Variants in HERC5 observed in about 807,000 individuals in gnomAD.
HERC5 encodes HECT and RLD domain containing E3 ubiquitin protein ligase 5, also known as E3 ISG15--protein ligase HERC5.
A neutral mutation model predicts 119.6 loss-of-function variants in HERC5; 99 were observed. The ratio of observed to expected loss-of-function variants is 0.83; its 90% CI spans 0.70 to 0.98. The LOEUF (loss-of-function observed/expected upper bound fraction) is 0.98. HERC5 is among the 50% of genes least tolerant of loss of function. HERC5 has a pLI of 0.00. For synonymous variants in HERC5, 478 were observed against 445.9 expected (o/e 1.07, Z -0.91); for missense variants, 1,267 against 1,241.3 (o/e 1.02, Z -0.31).
intron 11 of HERC5, among the ~76,000 whole-genome samples, chr4:88,472,711 A>C (rs2149093436): frequency 6.6e-6 from 1 of 152,298 alleles, no homozygotes; most frequent in East Asian, 1.9e-4. Context: ...AGATATTCTA[A>C]ATAGTGTGTC....
At chr4:88,493,862 C>T (rs1254303344) in intron 17 of HERC5, among the ~76,000 whole-genome samples, 4 of 151,718 alleles carry the variant, frequency 2.6e-5, no homozygotes, top group African/African-American at 4.8e-5. Flanking sequence ...TATCTGTCCA[C>T]CTTGACCTCC....
intron 16 of HERC5, among the ~76,000 whole-genome samples, chr4:88,490,111 C>T (rs1288093495): frequency 4.6e-5 from 7 of 152,144 alleles, no homozygotes; most frequent in Admixed American, 6.5e-5. Flanking sequence ...TGACCATGTT[C>T]GGAAGATCTT....
At chr4:88,464,487 C>T (rs1740575923) in intron 6 of HERC5, among the ~76,000 whole-genome samples, 1 of 151,990 alleles carries the variant, frequency 6.6e-6, no homozygotes, top group South Asian at 2.1e-4. Context: ...TTAATTTTCA[C>T]AGCTCCTTTT....
At chr4:88,457,796 C>G (rs151062847) in intron 1 of HERC5, 2 of 706,174 alleles carry the variant, frequency 2.8e-6, no homozygotes, top group Non-Finnish European at 3.9e-6. Context: ...ATGCGGGCAC[C>G]GTCTTCATCC....
chr4:88,502,138 T>A (rs912422363), intron 20 of HERC5, among the ~76,000 whole-genome samples: 7 of 152,082 alleles, frequency 4.6e-5, no homozygotes, highest in Non-Finnish European at 7.4e-5. Flanking sequence ...ATTTCAAGTT[T>A]TGGACTATTA....
Position 88,475,937 on chromosome 4 carries a change from C to G in HERC5, c.1489C>G (p.Pro497Ala). Residue 497 changes from proline (P) to alanine (A), a missense_variant, in exon 12 of 23, where the codon CCT becomes GCT. Pro to Ala is a conservative substitution (Grantham distance 27, BLOSUM62 -1). Around this residue, in one of 3 missense-constraint regions of HERC5, gnomAD observed 777 missense variants for 758.0 expected, o/e 1.03. Coordinates refer to ENST00000264350, the MANE Select transcript of HERC5 (RefSeq NM_016323.4). ...AATTTTCTTCCTTCTCCCAGAATGTCCTATGATGCATATTTCCAACAACTG... is the reference window on the plus strand; with the variant it reads ...AATTTTCTTCCTTCTCCCAGAATGTGCTATGATGCATATTTCCAACAACTG... The part of the protein sequence containing the change: ...LEIFFLLPEC[P>A]MMHISNNWES... 1 of 1,613,796 alleles carries G rather than the reference C, an allele frequency of 6.2e-7. No individual in the cohort carries two copies.
At chr4:88,460,415 CAG>C (rs1029762395) in intron 3 of HERC5, among the ~76,000 whole-genome samples, 18 of 152,336 alleles carry the variant, frequency 1.2e-4, no homozygotes, top group Non-Finnish European at 1.3e-4. Flanking sequence ...AAGTACGAAA[CAG>C]TGAAAATTTT....
intron 13 of HERC5, among the ~76,000 whole-genome samples, chr4:88,480,136 C>T (rs1578054911): frequency 1.3e-5 from 2 of 151,868 alleles, no homozygotes; most frequent in South Asian, 2.1e-4. Flanking sequence ...TGGGTTGCAA[C>T]CCCTCCATCT....
chr4:88,491,001 C>G (rs538885372), intron 16 of HERC5, among the ~76,000 whole-genome samples: 10 of 152,190 alleles, frequency 6.6e-5, no homozygotes, highest in African/African-American at 1.9e-4. Flanking sequence ...ATTGTTCATT[C>G]AGTTTTTAAA....
intron 8 of HERC5, 136 bp downstream of exon 8, chr4:88,468,558 T>A (rs1174430919): frequency 1.7e-6 from 1 of 578,406 alleles, no homozygotes; most frequent in Non-Finnish European, 3.0e-6. Flanking sequence ...ACATTACTGA[T>A]CCTTTATTGT....
chr4:88,467,287 A>G (rs955586705), intron 7 of HERC5, 83 bp downstream of exon 7: 19 of 1,376,898 alleles, frequency 1.4e-5, no homozygotes, highest in Non-Finnish European at 1.7e-5. Context: ...TGGCAAAGAA[A>G]GCAACATATG....
intron 20 of HERC5, 32 bp downstream of exon 20, chr4:88,501,017 A>G (rs1344697126): frequency 1.4e-6 from 2 of 1,440,994 alleles, no homozygotes; most frequent in Admixed American, 1.9e-5. Context: ...GTTGGTTTGT[A>G]TATGTACTAT....
Position 88,506,118 on chromosome 4 carries a change from C to A in HERC5, c.*240C>A, listed in dbSNP as rs897574937. ...CCTATGCCTACATCATATTCCTTAC[C>A]TCTTTTGGGAAATATTTTTCAAAAA... On this transcript the variant is annotated 3_prime_UTR_variant, in exon 23 of 23. Transcript: ENST00000264350. 6 of 426,174 alleles carry A rather than the reference C, an allele frequency of 1.4e-5. No homozygotes were observed. In the East Asian group the frequency reaches 2.2e-4, roughly 16 times the overall value. 26.4% of individuals were successfully genotyped at this position (426,174 alleles called of 1,614,324 possible).
chr4:88,489,925 C>T (rs188405297), intron 16 of HERC5, among the ~76,000 whole-genome samples: 54 of 152,198 alleles, frequency 3.5e-4, no homozygotes, highest in African/African-American at 1.1e-3. Flanking sequence ...ATGAGAATCA[C>T]TTGAACCCAG....
Position 88,459,441 on chromosome 4 carries a change from G to T in HERC5, c.360G>T (p.Glu120Asp). ...TCTCATCAGATGGAAAACCATTTGA[G>T]TATGACAACTATAGCATGAAACATC... ...LILSSDGKPFEYDNYSMKHLR... is the reference protein window; with the variant it reads ...LILSSDGKPFDYDNYSMKHLR... The change falls in exon 2 of 23, where the codon GAG becomes GAT. Residue 120 changes from glutamate (E) to aspartate (D), a missense_variant. Around this residue, in one of 3 missense-constraint regions of HERC5, gnomAD observed 777 missense variants for 758.0 expected, o/e 1.03. Transcript: ENST00000264350. The T allele has an allele frequency of 6.3e-7, 1 of 1,583,250 alleles. No individual in the cohort carries two copies. The highest frequency in any genetic ancestry group is 8.6e-7 in the Non-Finnish European group (1 of 1,165,160).
Position 88,460,188 on chromosome 4 carries a change from A to G in HERC5, c.466+17A>G, listed in dbSNP as rs377114085. On this transcript the variant is annotated intron_variant, in intron 3 of 22. Transcript: ENST00000264350. ...TCTCAAAAGGTAATTTTTCTGTAAT[A>G]TTAATAGTTTTGTAGAAGTAATACC... 1.5e-6 allele frequency: 2 copies of G among 1,356,972 alleles called. No individual in the cohort carries two copies. The highest frequency in any genetic ancestry group is 1.2e-5 in the South Asian group (1 of 82,662). The allele number at this position is 1,356,972 out of a possible 1,614,324, so 84.1% of individuals were successfully genotyped here.
At chr4:88,477,024 T>G (rs548664908) in intron 12 of HERC5, among the ~76,000 whole-genome samples, 66 of 149,888 alleles carry the variant, frequency 4.4e-4, no homozygotes, top group Non-Finnish European at 8.3e-4. Flanking sequence ...GTCATTCAAA[T>G]TTCTCTTCTT....
chr4:88,472,316 A>C, intron 10 of HERC5, 93 bp from the exon 11 acceptor site: 2 of 719,516 alleles, frequency 2.8e-6, no homozygotes, highest in Non-Finnish European at 2.5e-6. Flanking sequence ...TTGAGAAAAA[A>C]GGTAATTTTG....
intron 16 of HERC5, among the ~76,000 whole-genome samples, chr4:88,490,696 T>C (rs576174337): frequency 2.0e-5 from 3 of 152,038 alleles, no homozygotes; most frequent in African/African-American, 7.2e-5. Flanking sequence ...ATACAAAAAT[T>C]AGTTGGGTGT....
Sources: gnomAD v4.1 joint callset for allele counts (sites outside exome capture counted in the v4.1 genomes callset) on GRCh38, gnomAD v4.1.1 for gene constraint, gnomAD v4.1.1 regional missense constraint, MANE v1.5 for transcripts, NCBI Gene and HGNC (gene_info 2026-07-23, HGNC 2026-07-21) for gene names.